MYCBP2: variants seen among roughly 807,000 people sequenced by gnomAD.
The protein encoded by MYCBP2 is MYC binding protein 2.
A neutral mutation model predicts 525.3 loss-of-function variants in MYCBP2; 120 were observed. The ratio of observed to expected loss-of-function variants is 0.23; its 90% CI spans 0.20 to 0.27. The LOEUF (loss-of-function observed/expected upper bound fraction) is 0.27, where lower values mean the gene tolerates loss of function less well. Ranked by LOEUF, MYCBP2 falls within the 10% of genes least tolerant of loss-of-function variation. The probability of loss-of-function intolerance (pLI) is 1.00; values close to 1 mark genes in which losing one functional copy is unlikely to be tolerated. For synonymous variants in MYCBP2, 1,894 were observed against 1,955.8 expected (o/e 0.97, Z 0.83); for missense variants, 4,149 against 5,657.1 (o/e 0.73, Z 8.55).
At position 77,288,043 on chromosome 13, in the gene MYCBP2, T is replaced by C. The variant is rs1458400447; in HGVS notation, c.594+118A>G. 6.8e-6 allele frequency: 7 copies of C among 1,022,438 alleles called. No homozygotes were observed. The Admixed American group carries it at 1.7e-4, about 24-fold the overall frequency. 63.3% of individuals were successfully genotyped at this position (1,022,438 alleles called of 1,614,324 possible). On this transcript the variant is annotated intron_variant, in intron 3 of 82. Transcript: ENST00000544440. ...AATCTATTTTTGCCCATAAGCCGTG[T>C]TATTTTTAGTGTGCAATTTTACATA... is the stretch of plus-strand genomic sequence containing the variant.
intron 69 of MYCBP2, among the ~76,000 whole-genome samples, chr13:77,070,404 GA>G (rs1191442945): frequency 2.0e-5 from 3 of 152,064 alleles, no homozygotes; most frequent in African/African-American, 4.8e-5. Context: ...AGTATTAGGA[GA>G]TTTTTTTTTC....
Position 77,326,862 on chromosome 13 carries a change from A to G in MYCBP2, c.-87T>C. ...GCGCACACACAGCCCTTTTCCAACGACGACGGCTCCGGCGGCGGCCTCTGG... is the reference window on the plus strand; with the variant it reads ...GCGCACACACAGCCCTTTTCCAACGGCGACGGCTCCGGCGGCGGCCTCTGG... On this transcript the variant is annotated 5_prime_UTR_variant, in exon 1 of 83. Transcript: ENST00000544440. This position sits in a 1 kb window ranked among gnomAD's most constrained non-coding sequence, Gnocchi z 4.2. 1 of 1,265,486 alleles carries G rather than the reference A, an allele frequency of 7.9e-7. No individual in the cohort carries two copies. Among genetic ancestry groups the G allele is most frequent in the Non-Finnish European group, 1.0e-6 (1 of 990,000 alleles). 78.4% of individuals were successfully genotyped at this position (1,265,486 alleles called of 1,614,324 possible). A position where few individuals can be genotyped will look rare whatever the true frequency, so the allele number is the denominator to read the frequency against.
rs1413334890 is a variant in MYCBP2, at chr13:77,150,809, T to C, written c.7056A>G (p.Ala2352=). 1.9e-6 allele frequency: 3 copies of C among 1,614,178 alleles called. No individual in the cohort carries two copies. Among genetic ancestry groups the C allele is most frequent in the East Asian group, 2.2e-5 (1 of 44,872 alleles). ...CATATGAAACATCTAGCTTTGGTGA[T>C]GCCAGCCCTCCATAAGTCATGTCAG... The part of the protein sequence containing the change: ...SNTDMTYGGL[A]SPKLDVSYEP... The change falls in exon 47 of 83, where the codon GCA becomes GCG. Residue 2352 remains alanine, a synonymous_variant. Coordinates refer to ENST00000544440, the MANE Select transcript of MYCBP2 (RefSeq NM_015057.5).
At chr13:77,312,133 A>G (rs1855173219) in intron 1 of MYCBP2, among the ~76,000 whole-genome samples, 2 of 152,252 alleles carry the variant, frequency 1.3e-5, no homozygotes, top group African/African-American at 4.8e-5. Context: ...ACTCGGAATT[A>G]TATATCCACC....
intron 37 of MYCBP2, among the ~76,000 whole-genome samples, chr13:77,172,294 T>C: frequency 6.6e-6 from 1 of 151,908 alleles, no homozygotes; most frequent in African/African-American, 2.4e-5. Context: ...AGGAACAGAA[T>C]GAAGACATGT....
At position 77,185,245 on chromosome 13, in the gene MYCBP2, C is replaced by A. The variant is rs895713146; in HGVS notation, c.4577G>T (p.Gly1526Val). The change falls in exon 32 of 83, where the codon GGA (glycine) becomes GTA (valine). Residue 1526 changes from glycine to valine, a missense_variant. By Grantham distance (109) the Gly-to-Val change is moderately radical. Around this residue, in one of 21 missense-constraint regions of MYCBP2, gnomAD observed 292 missense variants for 330.5 expected, o/e 0.88. Transcript: ENST00000544440. The part of the protein sequence containing the change: ...CMVKLDNDPQ[G>V]YLSQPLSLLE... ...AAGACTCAAGGGTTGACTGAGATAT[C>A]CTTGAGGATCATTATCCAATTTCAC... is the stretch of plus-strand genomic sequence containing the variant. 1.4e-5 allele frequency: 23 copies of A among 1,614,096 alleles called. No homozygotes were observed. Among genetic ancestry groups the A allele is most frequent in the Non-Finnish European group, 1.9e-5 (23 of 1,180,004 alleles).
intron 59 of MYCBP2, among the ~76,000 whole-genome samples, chr13:77,091,074 G>GAAC (rs2045330525): frequency 1.3e-5 from 2 of 152,024 alleles, no homozygotes; most frequent in African/African-American, 4.8e-5. Context: ...CGTTGGTTCT[G>GAAC]GAGTTTTTTC....
At position 77,065,994 on chromosome 13, in the gene MYCBP2, C is replaced by A. The variant is rs1229202102; in HGVS notation, c.12550G>T (p.Ala4184Ser). Reference protein sequence around the residue: ...IIIKLIKDMAAGHLSEAWSRV... With the variant: ...IIIKLIKDMASGHLSEAWSRV... ...AAAACAGAAGAATGGGAACTTACTG[C>A]TGCCATATCCTTGATAAGTTTAATG... The change falls in exon 72 of 83, where the codon GCA (alanine) becomes TCA (serine). Residue 4184 changes from alanine to serine, a missense_variant and splice_region_variant. By Grantham distance (99) the Ala-to-Ser change is moderately conservative. Coordinates refer to ENST00000544440, the MANE Select transcript of MYCBP2 (RefSeq NM_015057.5). 1 of 1,607,758 alleles carries A rather than the reference C, an allele frequency of 6.2e-7. No homozygotes were observed.
At chr13:77,179,983 A>T (rs1222281027) in intron 34 of MYCBP2, 144 bp downstream of exon 34, 3 of 614,584 alleles carry the variant, frequency 4.9e-6, no homozygotes, top group Non-Finnish European at 8.5e-6. Flanking sequence ...AGGTGGAGAG[A>T]AAGGCAAAAA....
intron 55 of MYCBP2, chr13:77,118,665 C>T (rs9544421): frequency 0.63 from 293,589 of 464,466 alleles, 100,442 homozygotes; most frequent in Non-Finnish European, 0.73. Flanking sequence ...GATTAGGGAC[C>T]GAATTTTGCA....
At chr13:77,056,099 G>GGGGTGTGTGTGTGT (rs536899192) in intron 79 of MYCBP2, among the ~76,000 whole-genome samples, 7 of 120,522 alleles carry the variant, frequency 5.8e-5, no homozygotes, top group African/African-American at 2.3e-4. Flanking sequence ...CTCTGTGTTT[G>GGGGTGTGTGTGTGT]GTGTGTGTGT....
At chr13:77,052,533 A>C (rs1156933825) in intron 80 of MYCBP2, among the ~76,000 whole-genome samples, 1 of 152,246 alleles carries the variant, frequency 6.6e-6, no homozygotes, top group Non-Finnish European at 1.5e-5. Flanking sequence ...ATTCAAGCTT[A>C]AAGTAGGCAG....
rs1425118340 is a variant in MYCBP2, at chr13:77,095,383, AAGGCATTTTCAC to A, written c.10162_10173del (p.Val3388_Pro3391del). ...CTAGCTAATGTCTGCAGGTAGAGACAAGGCATTTTCACAGGAAGATCCTCAGAAATGCCTTCT... is the reference window on the plus strand; with the variant it reads ...CTAGCTAATGTCTGCAGGTAGAGACAAGGAAGATCCTCAGAAATGCCTTCT... On this transcript the variant is annotated inframe_deletion, in exon 58 of 83. Coordinates refer to ENST00000544440, the MANE Select transcript of MYCBP2 (RefSeq NM_015057.5). 1 of 1,613,404 alleles carries A rather than the reference AAGGCATTTTCAC, an allele frequency of 6.2e-7. No individual in the cohort carries two copies. Among genetic ancestry groups the A allele is most frequent in the South Asian group, 1.1e-5 (1 of 91,080 alleles).
At chr13:77,134,206 T>G (rs1246028470) in intron 52 of MYCBP2, among the ~76,000 whole-genome samples, 2 of 152,084 alleles carry the variant, frequency 1.3e-5, no homozygotes, top group African/African-American at 4.8e-5. Flanking sequence ...CAAAGACTCT[T>G]AAGACATAAA....
At chr13:77,203,728 C>G (rs2062924394) in intron 26 of MYCBP2, among the ~76,000 whole-genome samples, 1 of 152,100 alleles carries the variant, frequency 6.6e-6, no homozygotes. Context: ...ACAGAGCCCT[C>G]AGAAATAATG....
chr13:77,189,783 T>C (rs1013606245), intron 29 of MYCBP2, among the ~76,000 whole-genome samples: 1 of 152,176 alleles, frequency 6.6e-6, no homozygotes, highest in African/African-American at 2.4e-5. Flanking sequence ...CAAGTTATTA[T>C]TTGGTATTTT....
rs372837844 is a variant in MYCBP2, at chr13:77,081,617, G to T, written c.11228C>A (p.Thr3743Asn). The T allele has an allele frequency of 1.9e-6, 3 of 1,613,406 alleles. No homozygotes were observed. The African/African-American group carries it at 4.0e-5, about 22-fold the overall frequency. ...LCIVMCLKDL[T>N]SIVDIKTSSR... is the part of the protein sequence containing the mutation. ...TGAAGTTTTTATGTCAACAATGCTG[G>T]TTAAGTCCTTTAAGCACATTACTAT... Residue 3743 changes from threonine (T) to asparagine (N), a missense_variant, in exon 65 of 83, where the codon ACC (threonine) becomes AAC (asparagine). This residue lies in a region of MYCBP2 where 509 missense variants were observed against 789.4 expected (regional missense o/e 0.64). Transcript: ENST00000544440. This position sits in a 1 kb window ranked among gnomAD's most constrained non-coding sequence, Gnocchi z 4.6.
At chr13:77,199,742 T>C (rs4052542) in intron 26 of MYCBP2, among the ~76,000 whole-genome samples, 147,732 of 152,290 alleles carry the variant, frequency 0.97, 71,726 homozygotes, top group East Asian at 1. Context: ...CCCCTGACCC[T>C]CCAGCAGCCT....
chr13:77,211,987 T>C lies in MYCBP2; in HGVS notation c.3231A>G (p.Thr1077=). 1 of 1,614,082 alleles carries C rather than the reference T, an allele frequency of 6.2e-7. No homozygotes were observed. The highest frequency in any genetic ancestry group is 1.1e-5 in the South Asian group (1 of 91,080). Residue 1077 remains threonine (T), a synonymous_variant, in exon 22 of 83, where the codon ACA becomes ACG. Transcript: ENST00000544440. ...EALINSHVLA[T]SEIFASKHII... is the part of the protein sequence containing the mutation. ...TGTGTTTACTGGCAAAAATTTCTGA[T>C]GTAGCAAGTACATGAGAATTAATAA...
Sources: gnomAD v4.1 joint callset for allele counts (sites outside exome capture counted in the v4.1 genomes callset) on GRCh38, gnomAD v4.1.1 for gene constraint, gnomAD v4.1.1 regional missense constraint, Gnocchi (gnomAD v3.1) non-coding constraint, MANE v1.5 for transcripts, NCBI Gene and HGNC (gene_info 2026-07-23, HGNC 2026-07-21) for gene names.